The following PSG8 variants were observed in gnomAD, a reference collection of about 807,000 sequenced individuals.
The protein encoded by PSG8 is pregnancy specific beta-1-glycoprotein 8.
PSG8 carries 57 observed loss-of-function variants against 42.5 expected under a neutral mutation model. That is an observed-to-expected ratio of 1.34 (90% CI 1.08 to 1.67). The LOEUF (loss-of-function observed/expected upper bound fraction) is 1.67. PSG8 is among the 40% of genes most tolerant of loss of function. The probability of loss-of-function intolerance (pLI) is 0.00; values close to 1 mark genes in which losing one functional copy is unlikely to be tolerated. For synonymous variants in PSG8, 280 were observed against 196.8 expected (o/e 1.42, Z -3.54); for missense variants, 783 against 518.6 (o/e 1.51, Z -4.95).
At chr19:42,760,769 A>G (rs1453126946) in intron 2 of PSG8, among the ~76,000 whole-genome samples, 1 of 152,004 alleles carries the variant, frequency 6.6e-6, no homozygotes, top group African/African-American at 2.4e-5. Flanking sequence ...TTTTTAGTAG[A>G]GACGAGGTTT....
rs958910623 is a variant in PSG8, at chr19:42,754,878, C to G, written c.988+110G>C. 3.2e-6 allele frequency: 5 copies of G among 1,556,316 alleles called. No homozygotes were observed. In the African/African-American group the frequency reaches 6.9e-5, roughly 21 times the overall value. On this transcript the variant is annotated intron_variant, in intron 4 of 4. Transcript: ENST00000306511. Reference sequence around the variant, plus strand: ...GGGAGTCATGGCCAGCTCGGATGTCCAGAAGTGAAGGTGTCTATACTTGGA... The same window carrying G: ...GGGAGTCATGGCCAGCTCGGATGTCGAGAAGTGAAGGTGTCTATACTTGGA...
At chr19:42,764,345 C>T (rs1325323626) in intron 1 of PSG8, 64 bp from the exon 2 acceptor site, 8 of 1,556,822 alleles carry the variant, frequency 5.1e-6, no homozygotes, top group Non-Finnish European at 6.9e-6. Context: ...AACATGGGGC[C>T]CTGGGTCCTG....
At chr19:42,757,669 C>G (rs181475275) in intron 3 of PSG8, among the ~76,000 whole-genome samples, 73 of 152,258 alleles carry the variant, frequency 4.8e-4, no homozygotes, top group African/African-American at 1.7e-3. Flanking sequence ...GGAAGCACCA[C>G]AATCACAGTG....
chr19:42,758,582 C>G (rs1455973972), intron 2 of PSG8: 19 of 488,830 alleles, frequency 3.9e-5, no homozygotes, highest in South Asian at 1.3e-4. Flanking sequence ...CCTCCGTCTC[C>G]AACTGCCTGC....
At chr19:42,754,175 G>A (rs1246873389), downstream of PSG8, 4 of 1,514,440 alleles carry the variant, frequency 2.6e-6, no homozygotes, top group Non-Finnish European at 3.5e-6. Context: ...AGTTTTCAAA[G>A]TTCTTAGACA....
downstream of PSG8, among the ~76,000 whole-genome samples, chr19:42,753,568 A>G (rs963960221): frequency 4.6e-5 from 7 of 152,226 alleles, no homozygotes; most frequent in African/African-American, 1.4e-4. Context: ...GATTGTTTAC[A>G]TAAGTGCAGC....
chr19:42,765,461 C>T (rs1970193650), intron 1 of PSG8, 57 bp downstream of exon 1: 2 of 1,602,128 alleles, frequency 1.2e-6, no homozygotes, highest in South Asian at 1.1e-5. Flanking sequence ...TCAAGGAGAC[C>T]CCATCCAGTC....
At chr19:42,762,641 C>T (rs541912947) in intron 2 of PSG8, among the ~76,000 whole-genome samples, 3 of 151,912 alleles carry the variant, frequency 2.0e-5, no homozygotes, top group African/African-American at 7.3e-5. Flanking sequence ...TTGATCCTCT[C>T]ATGACAGTGA....
chr19:42,758,783 C>A (rs1401246365), intron 2 of PSG8: 22 of 169,068 alleles, frequency 1.3e-4, no homozygotes, highest in Non-Finnish European at 5.2e-5. Context: ...GGACTGGGTA[C>A]TTCAGCAGAA....
chr19:42,757,097 A>G (rs1969945844), intron 3 of PSG8, among the ~76,000 whole-genome samples: 1 of 152,150 alleles, frequency 6.6e-6, no homozygotes, highest in Non-Finnish European at 1.5e-5. Flanking sequence ...TTTTGATGTT[A>G]ATGTGAACTG....
chr19:42,763,821 G>T (rs1327286921), intron 2 of PSG8, 95 bp downstream of exon 2: 106 of 1,597,228 alleles, frequency 6.6e-5, no homozygotes, highest in Non-Finnish European at 8.4e-5. Context: ...ATGCAGAGAG[G>T]GACACAGGCA....
At chr19:42,759,375 G>A (rs578218884) in intron 2 of PSG8, among the ~76,000 whole-genome samples, 2 of 152,246 alleles carry the variant, frequency 1.3e-5, no homozygotes, top group African/African-American at 4.8e-5. Context: ...TATGCAGGAT[G>A]AGGAGGTTCT....
At chr19:42,754,870 C>G (rs1252644674) in intron 4 of PSG8, 118 bp downstream of exon 4, 1 of 1,547,440 alleles carries the variant, frequency 6.5e-7, no homozygotes, top group East Asian at 2.2e-5. Context: ...ATGGCCAGCT[C>G]GGATGTCCAG....
At chr19:42,759,031 T>C (rs1401551875) in intron 2 of PSG8, 2 of 152,526 alleles carry the variant, frequency 1.3e-5, no homozygotes, top group East Asian at 1.9e-4. Flanking sequence ...CCCTTCCCCC[T>C]GTAGAGGGCA....
In PSG8 at chr19:42,754,498, G is replaced by C; in HGVS notation, c.1078C>G (p.Pro360Ala). ...ATTGTCCAAGAATACTGTGCCGGTGGGTTAGAGTCCGCAGAACAGGACAAG... is the reference window on the plus strand; with the variant it reads ...ATTGTCCAAGAATACTGTGCCGGTGCGTTAGAGTCCGCAGAACAGGACAAG... ...LYLSCSADSN[P>A]PAQYSWTING... The change falls in exon 5 of 5, where the codon CCA becomes GCA. Residue 360 changes from proline (P) to alanine (A), a missense_variant. Transcript: ENST00000306511. 1 of 1,613,844 alleles carries C rather than the reference G, an allele frequency of 6.2e-7. No homozygotes were observed. The highest frequency in any genetic ancestry group is 8.5e-7 in the Non-Finnish European group (1 of 1,179,838).
At chr19:42,760,853 A>C in intron 2 of PSG8, among the ~76,000 whole-genome samples, 1 of 152,148 alleles carries the variant, frequency 6.6e-6, no homozygotes, top group East Asian at 1.9e-4. Flanking sequence ...CTGGTATTGT[A>C]GGTGTGAGCC....
rs1347290210 is a variant in PSG8 at position 42,754,716 on chromosome 19, G to A, written c.989-129C>T. ...CAAGTCCCAGCCCAACCCCCTCTAT[G>A]TTCACTGAGCCGAATCCTCAGGTAT... On this transcript the variant is annotated intron_variant, in intron 4 of 4. Transcript: ENST00000306511. The A allele has an allele frequency of 5.4e-6, 7 of 1,307,200 alleles. No individual in the cohort carries two copies. In the South Asian group the frequency reaches 9.0e-5, roughly 17 times the overall value. 81.0% of individuals were successfully genotyped at this position (1,307,200 alleles called of 1,614,324 possible). A position where few individuals can be genotyped will look rare whatever the true frequency, so the allele number is the denominator to read the frequency against.
intron 2 of PSG8, 73 bp downstream of exon 2, chr19:42,763,843 T>A (rs1970138138): frequency 6.2e-7 from 1 of 1,610,512 alleles, no homozygotes; most frequent in African/African-American, 1.3e-5. Flanking sequence ...TGTCCAGGCC[T>A]GACAATCCTG....
chr19:42,764,328 G>T (rs1970160311), intron 1 of PSG8, 47 bp from the exon 2 acceptor site: 1 of 1,574,466 alleles, frequency 6.4e-7, no homozygotes, highest in Non-Finnish European at 8.6e-7. Flanking sequence ...CTATGTATTG[G>T]TGTGAAAACA....
Sources: allele counts gnomAD v4.1 joint callset (sites outside exome capture counted in the v4.1 genomes callset), GRCh38; gene constraint gnomAD v4.1.1; transcripts MANE v1.5; gene names NCBI Gene and HGNC (gene_info 2026-07-23, HGNC 2026-07-21).